TKT: variants seen among roughly 807,000 people sequenced by gnomAD.
TKT encodes the protein epididymis luminal protein 107.
TKT carries 47 observed loss-of-function variants against 63.9 expected under a neutral mutation model. The observed-to-expected ratio is 0.74, with a 90% CI of 0.58 to 0.94. The LOEUF (loss-of-function observed/expected upper bound fraction) is 0.94, where lower values mean the gene tolerates loss of function less well. Among genes scored for constraint, TKT ranks in the 40% least tolerant of loss-of-function variants. TKT has a pLI of 0.00. For missense variants in TKT, 721 were observed against 846.2 expected (o/e 0.85, Z 1.84); for synonymous variants, 338 against 334.1 (o/e 1.01, Z -0.13).
Position 53,241,156 on chromosome 3 carries a change from G to C in TKT, c.315C>G (p.Ser105=). The change falls in exon 3 of 14, where the codon TCC becomes TCG. Residue 105 remains serine, a synonymous_variant. Coordinates refer to ENST00000462138, the MANE Select transcript of TKT (RefSeq NM_001064.4). ...AELLNLRKIS[S]DLDGHPVPKQ... is the part of the protein sequence containing the mutation. The stretch of plus-strand genomic sequence containing the variant: ...CCGGGACCGGGTGCCCGTCCAAGTC[G>C]GAGCTGATCTTCCTCAGGTTCAGCA... The C allele has an allele frequency of 6.3e-7, 1 of 1,577,446 alleles. No homozygotes were observed. The highest frequency in any genetic ancestry group is 8.6e-7 in the Non-Finnish European group (1 of 1,167,038).
At chr3:53,244,607 A>C (rs1235539007) in intron 1 of TKT, among the ~76,000 whole-genome samples, 1 of 152,162 alleles carries the variant, frequency 6.6e-6, no homozygotes, top group African/African-American at 2.4e-5. Context: ...CACTGAGCAC[A>C]CAGGAGACAG....
intron 7 of TKT, among the ~76,000 whole-genome samples, chr3:53,230,938 G>C (rs902271881): frequency 1.3e-5 from 2 of 152,212 alleles, no homozygotes; most frequent in African/African-American, 2.4e-5. Context: ...GAAGGCTTGG[G>C]AGTCAAGGCC....
chr3:53,240,189 G>A, intron 4 of TKT, 62 bp downstream of exon 4: 18 of 1,495,476 alleles, frequency 1.2e-5, no homozygotes, highest in Non-Finnish European at 1.5e-5. Flanking sequence ...GGTGAAGGGT[G>A]GGTCACCCAA....
At chr3:53,247,711 T>C (rs1217243878) in intron 1 of TKT, among the ~76,000 whole-genome samples, 1 of 151,364 alleles carries the variant, frequency 6.6e-6, no homozygotes, top group African/African-American at 2.4e-5. Flanking sequence ...CAGAAGCAGT[T>C]CTTGCTCTTC....
At chr3:53,243,707 T>C in intron 1 of TKT, 1 of 446,404 alleles carries the variant, frequency 2.2e-6, no homozygotes, top group South Asian at 1.6e-5. Context: ...CAGTGCCAGC[T>C]TCAACTGGAG....
chr3:53,229,777 C>G (rs1704663112), intron 8 of TKT, among the ~76,000 whole-genome samples: 1 of 152,144 alleles, frequency 6.6e-6, no homozygotes, highest in African/African-American at 2.4e-5. Flanking sequence ...CCTGGGACCT[C>G]CCCAGCCCCA....
At chr3:53,228,938 G>A (rs782550359) in intron 10 of TKT, 69 bp downstream of exon 10, 223 of 1,595,660 alleles carry the variant, frequency 1.4e-4, no homozygotes, top group Non-Finnish European at 1.8e-4. Context: ...GACCAGCTCT[G>A]GCCTCCTCTT....
At chr3:53,226,151 C>T (rs547759614) in intron 13 of TKT, 10 of 456,026 alleles carry the variant, frequency 2.2e-5, no homozygotes, top group Admixed American at 3.8e-5. Flanking sequence ...AACTCCTGAG[C>T]TCAAGAAATC....
chr3:53,235,857 G>A (rs1705003271), intron 4 of TKT, among the ~76,000 whole-genome samples: 1 of 58,104 alleles, frequency 1.7e-5, no homozygotes, highest in Non-Finnish European at 4.3e-5. Context: ...CCTCAACACA[G>A]GCAACTGTGA....
chr3:53,249,332 C>T (rs1218446911), intron 1 of TKT, among the ~76,000 whole-genome samples: 1 of 151,454 alleles, frequency 6.6e-6, no homozygotes, highest in Non-Finnish European at 1.5e-5. Flanking sequence ...AATCCCAACA[C>T]TTTGGGAGGC....
intron 13 of TKT, chr3:53,226,262 G>C (rs782346001): frequency 3.3e-5 from 9 of 276,472 alleles, no homozygotes; most frequent in Non-Finnish European, 4.8e-5. Context: ...CTAAATGTTT[G>C]TTTCAAACAC....
chr3:53,232,763 G>A (rs575811977), intron 6 of TKT: 20 of 405,786 alleles, frequency 4.9e-5, no homozygotes, highest in South Asian at 9.9e-5. Flanking sequence ...AGTTCTCTCC[G>A]GGCCCTGCCT....
At position 53,231,385 on chromosome 3, in the gene TKT, C is replaced by T. The variant is rs782760641; in HGVS notation, c.914G>A (p.Ser305Asn). The change falls in exon 7 of 14, where the codon AGC becomes AAC. Residue 305 changes from serine to asparagine, a missense_variant. Physicochemically the swap from Ser to Asn is conservative, Grantham distance 46. Coordinates refer to ENST00000462138, the MANE Select transcript of TKT (RefSeq NM_001064.4). ...SVDIANIRMP[S>N]LPSYKVGDKI... ...GTCCCCAACTTTGTAGCTGGGCAGG[C>T]TGGGCATGCGGATGTTGGCAATGTC... 3 of 1,613,774 alleles carry T rather than the reference C, an allele frequency of 1.9e-6. No individual in the cohort carries two copies. Among genetic ancestry groups the T allele is most frequent in the Non-Finnish European group, 2.5e-6 (3 of 1,180,014 alleles).
chr3:53,229,496 T>C, intron 8 of TKT, 60 bp from the exon 9 acceptor site: 1 of 1,537,438 alleles, frequency 6.5e-7, no homozygotes, highest in Non-Finnish European at 8.8e-7. Flanking sequence ...TCGGGGAGCC[T>C]AGGACCCCTT....
In TKT at chr3:53,230,628, G is replaced by A. The variant is rs782131971; in HGVS notation, c.943-7C>T. ...AGGCCTTGCGGGTGGCTATCTGTGAGGAAGAGAGTGGGAAGGCTCTGGACC... is the reference window on the plus strand; with the variant it reads ...AGGCCTTGCGGGTGGCTATCTGTGAAGAAGAGAGTGGGAAGGCTCTGGACC... On this transcript the variant is annotated splice_polypyrimidine_tract_variant and splice_region_variant and intron_variant, in intron 7 of 13. Transcript: ENST00000462138. The A allele has an allele frequency of 9.3e-6, 15 of 1,613,984 alleles. No homozygotes were observed. Among genetic ancestry groups the A allele is most frequent in the Admixed American group, 1.7e-5 (1 of 60,014 alleles).
At position 53,233,256 on chromosome 3, in the gene TKT, C is replaced by T. The variant is rs1704854193; in HGVS notation, c.648G>A (p.Val216=). The change falls in exon 6 of 14, where the codon GTG becomes GTA. Residue 216 remains valine (V), a synonymous_variant. Coordinates refer to ENST00000462138, the MANE Select transcript of TKT (RefSeq NM_001064.4). ...ACAGCTCCTCCACGCTGTGTCCATC[C>T]ACGATGATGGCATGCCAACTGGGGA... ...CEAFGWHAII[V]DGHSVEELCK... is the part of the protein sequence containing the mutation. 1 of 1,611,722 alleles carries T rather than the reference C, an allele frequency of 6.2e-7. No individual in the cohort carries two copies.
At chr3:53,248,651 A>G (rs1269419600) in intron 1 of TKT, among the ~76,000 whole-genome samples, 4 of 151,886 alleles carry the variant, frequency 2.6e-5, no homozygotes, top group Non-Finnish European at 5.9e-5. Flanking sequence ...AAAAAGGAAC[A>G]AAGTACTGAT....
chr3:53,244,371 G>A (rs918224644), intron 1 of TKT, among the ~76,000 whole-genome samples: 54 of 152,164 alleles, frequency 3.5e-4, no homozygotes, highest in African/African-American at 1.3e-3. Context: ...TCGTCAACCC[G>A]GGGCTCAGCT....
chr3:53,230,393 C>T lies in TKT; in HGVS notation c.1107+64G>A, dbSNP rs375479949. On this transcript the variant is annotated intron_variant, in intron 8 of 13. Coordinates refer to ENST00000462138, the MANE Select transcript of TKT (RefSeq NM_001064.4). ...CCTGGCTCTGCCAACATGGCTGCCC[C>T]GCACCCCTCAGACCACAGCCCTCAG... 1.6e-4 allele frequency: 264 copies of T among 1,602,892 alleles called. 1 individual carries two copies. The highest frequency in any genetic ancestry group is 1.6e-3 in the African/African-American group (122 of 74,892).
Sources: allele counts gnomAD v4.1 joint callset (sites outside exome capture counted in the v4.1 genomes callset), GRCh38; gene constraint gnomAD v4.1.1; transcripts MANE v1.5; gene names NCBI Gene and HGNC (gene_info 2026-07-23, HGNC 2026-07-21).